The following DPP6 variants were observed in gnomAD, a reference collection of about 807,000 sequenced individuals.
DPP6 encodes A-type potassium channel modulatory protein DPP6.
In DPP6, 69 loss-of-function variants were observed where a neutral mutation model predicts 122.6. The observed-to-expected ratio is 0.56, with a 90% CI of 0.46 to 0.69. The LOEUF (loss-of-function observed/expected upper bound fraction) is 0.69. Among genes scored for constraint, DPP6 ranks in the 30% least tolerant of loss-of-function variants. DPP6 has a pLI of 0.00. For missense variants in DPP6, 928 were observed against 1,116.9 expected, an observed-to-expected ratio of 0.83 and a Z score of 2.41; for synonymous variants, 418 against 433.1, an observed-to-expected ratio of 0.97 and a Z score of 0.43.
chr7:154,622,563 A>T (rs1834760839), intron 5 of DPP6, among the ~76,000 whole-genome samples: 1 of 152,208 alleles, frequency 6.6e-6, no homozygotes, highest in Non-Finnish European at 1.5e-5. Context: ...AGAGGTAGCC[A>T]AGGAGACAGA....
intron 7 of DPP6, among the ~76,000 whole-genome samples, chr7:154,674,745 C>T (rs1478222868): frequency 6.6e-6 from 1 of 152,076 alleles, no homozygotes; most frequent in Non-Finnish European, 1.5e-5. Flanking sequence ...AGTAGTTAGC[C>T]GGGAAACCTG....
chr7:154,545,747 T>A (rs2130317187), intron 4 of DPP6, among the ~76,000 whole-genome samples: 1 of 152,316 alleles, frequency 6.6e-6, no homozygotes, highest in Admixed American at 6.5e-5. Context: ...TCTTCTTTTA[T>A]GAGGTGAGGA....
intron 1 of DPP6, among the ~76,000 whole-genome samples, chr7:154,425,621 G>GGTGTGTGT (rs3056535): frequency 1.0e-3 from 125 of 121,500 alleles, no homozygotes; most frequent in African/African-American, 4.8e-3. Flanking sequence ...TGTGTGTGTG[G>GGTGTGTGT]GTGTGTGTGT....
At chr7:153,797,420 A>G in the DPP6 span, among the ~76,000 whole-genome samples, 1 of 152,204 alleles carries the variant, frequency 6.6e-6, no homozygotes, top group African/African-American at 2.4e-5. Context: ...AGGATATTAT[A>G]TTAATTAAGC....
intron 7 of DPP6, among the ~76,000 whole-genome samples, chr7:154,709,589 T>TTC (rs927891906): frequency 6.6e-6 from 1 of 150,970 alleles, no homozygotes; most frequent in Non-Finnish European, 1.5e-5. Flanking sequence ...CATTTTTCTT[T>TTC]TTTTTTTTTT....
intron 1 of DPP6, among the ~76,000 whole-genome samples, chr7:154,103,832 C>T (rs1272722864): frequency 6.6e-6 from 1 of 152,224 alleles, no homozygotes; most frequent in Admixed American, 6.5e-5. Flanking sequence ...GTTCCTCCGC[C>T]TTTGGACTCT....
chr7:153,811,710 AG>A, the DPP6 span, among the ~76,000 whole-genome samples: 1 of 151,982 alleles, frequency 6.6e-6, no homozygotes, highest in Non-Finnish European at 1.5e-5. Flanking sequence ...CTGCTCTTAA[AG>A]TCACAAAACT....
chr7:154,588,598 A>G (rs1832620865), intron 5 of DPP6: 1 of 152,464 alleles, frequency 6.6e-6, no homozygotes, highest in African/African-American at 2.4e-5. Flanking sequence ...ATGTTCAGCT[A>G]AATAAAAGAA....
the DPP6 span, among the ~76,000 whole-genome samples, chr7:153,784,275 CAG>C: frequency 6.6e-6 from 1 of 152,162 alleles, no homozygotes; most frequent in African/African-American, 2.4e-5. Flanking sequence ...AATCTGAAAA[CAG>C]AAATATGTAT....
chr7:153,978,579 G>C (rs1796425403), intron 1 of DPP6, among the ~76,000 whole-genome samples: 1 of 151,960 alleles, frequency 6.6e-6, no homozygotes, highest in Admixed American at 6.6e-5. Flanking sequence ...TGTCAATTTT[G>C]GCTTTTGTTG....
the DPP6 span, among the ~76,000 whole-genome samples, chr7:153,766,944 G>A: frequency 3.3e-5 from 5 of 152,162 alleles, no homozygotes; most frequent in African/African-American, 1.2e-4. Flanking sequence ...ATCAGTGACT[G>A]AGCTATGAGT....
Position 154,342,754 on chromosome 7 carries a change from T to C in DPP6, c.244-103460T>C, listed in dbSNP as rs576461808. ...ACCATAAATGAATTAGATCACTTTT[T>C]TCCTTCCAAATGCGAGATTCCAAAT... On this transcript the variant is annotated intron_variant, in intron 1 of 25. Coordinates refer to ENST00000377770, the MANE Select transcript of DPP6 (RefSeq NM_130797.4). Among the ~76,000 whole-genome samples, 11 of 152,332 alleles carry C rather than the reference T, an allele frequency of 7.2e-5. No individual in the cohort carries two copies. The East Asian group carries it at 2.1e-3, about 29-fold the overall frequency.
intron 1 of DPP6, among the ~76,000 whole-genome samples, chr7:154,207,464 A>G (rs564656175): frequency 6.7e-4 from 102 of 152,346 alleles, no homozygotes; most frequent in African/African-American, 2.2e-3. Flanking sequence ...CAGTCAGACC[A>G]CTTCACCTGT....
At chr7:154,147,618 T>G (rs1015766048) in intron 1 of DPP6, among the ~76,000 whole-genome samples, 3 of 151,828 alleles carry the variant, frequency 2.0e-5, no homozygotes, top group Admixed American at 2.0e-4. Context: ...TAGCTGGGAT[T>G]ACAGGCACCC....
chr7:154,426,227 A>G (rs1356437044), intron 1 of DPP6, among the ~76,000 whole-genome samples: 1 of 152,230 alleles, frequency 6.6e-6, no homozygotes, highest in Non-Finnish European at 1.5e-5. Flanking sequence ...AAGTTTGGCA[A>G]AACACTTTGG....
chr7:154,420,631 C>T (rs1817393053), intron 1 of DPP6, among the ~76,000 whole-genome samples: 1 of 152,084 alleles, frequency 6.6e-6, no homozygotes, highest in African/African-American at 2.4e-5. Flanking sequence ...TTTTGGAGAT[C>T]TATTGCACGG....
intron 1 of DPP6, among the ~76,000 whole-genome samples, chr7:153,930,715 A>G (rs1801133377): frequency 6.6e-6 from 1 of 152,168 alleles, no homozygotes; most frequent in Non-Finnish European, 1.5e-5. Context: ...CTCTCATGCA[A>G]TTGGCTCAAA....
intron 1 of DPP6, among the ~76,000 whole-genome samples, chr7:153,907,584 A>T (rs1228882908): frequency 6.6e-6 from 1 of 152,222 alleles, no homozygotes; most frequent in Admixed American, 6.5e-5. Flanking sequence ...ATGAACATTT[A>T]AATCAGTGGA....
intron 1 of DPP6, among the ~76,000 whole-genome samples, chr7:153,961,124 G>C (rs1795330196): frequency 7.8e-6 from 1 of 128,480 alleles, no homozygotes; most frequent in Non-Finnish European, 1.6e-5. Flanking sequence ...AGAATAAAAA[G>C]AGATGATCTG....
Sources: gnomAD v4.1 joint callset for allele counts (sites outside exome capture counted in the v4.1 genomes callset) on GRCh38, gnomAD v4.1.1 for gene constraint, MANE v1.5 for transcripts, NCBI Gene and HGNC (gene_info 2026-07-23, HGNC 2026-07-21) for gene names.